METTL15: variants seen among roughly 807,000 people sequenced by gnomAD.
METTL15 encodes 12S rRNA N(4)-cytidine methyltransferase METTL15.
A neutral mutation model predicts 38.3 loss-of-function variants in METTL15; 34 were observed. The observed-to-expected ratio is 0.89, with a 90% confidence interval of 0.68 to 1.18. The LOEUF (loss-of-function observed/expected upper bound fraction) is 1.18. METTL15 is among the 50% of genes most tolerant of loss of function. The probability of loss-of-function intolerance (pLI) is 0.00; values close to 1 mark genes in which losing one functional copy is unlikely to be tolerated. For missense variants in METTL15, 438 were observed against 498.4 expected, an observed-to-expected ratio of 0.88 and a Z score of 1.15; for synonymous variants, 162 against 170.9, an observed-to-expected ratio of 0.95 and a Z score of 0.41.
intron 6 of METTL15, among the ~76,000 whole-genome samples, chr11:28,300,139 C>G (rs960091962): frequency 2.0e-5 from 3 of 152,034 alleles, no homozygotes; most frequent in Admixed American, 2.0e-4. Context: ...GTGGGGGACT[C>G]TATAAACCCA....
chr11:28,115,963 C>CAT (rs974425692), intron 3 of METTL15, among the ~76,000 whole-genome samples: 1 of 151,390 alleles, frequency 6.6e-6, no homozygotes, highest in Non-Finnish European at 1.5e-5. Context: ...CACACACACA[C>CAT]ACAACCCTAC....
At chr11:28,309,961 A>G (rs762790933) in intron 6 of METTL15, among the ~76,000 whole-genome samples, 4 of 152,146 alleles carry the variant, frequency 2.6e-5, no homozygotes, top group Non-Finnish European at 4.4e-5. Flanking sequence ...ACCCACGTCT[A>G]CTTTTTCCAC....
intron 3 of METTL15, among the ~76,000 whole-genome samples, chr11:28,346,583 T>G (rs1268167321): frequency 6.6e-6 from 1 of 152,216 alleles, no homozygotes; most frequent in Non-Finnish European, 1.5e-5. Context: ...CTTGAAATTT[T>G]GTTATGGATT....
chr11:28,384,234 A>G (rs1464258341), intron 5 of METTL15, among the ~76,000 whole-genome samples: 3 of 151,934 alleles, frequency 2.0e-5, no homozygotes, highest in Non-Finnish European at 2.9e-5. Context: ...GGTTGATTCA[A>G]TGTCTTTGCT....
chr11:28,219,260 A>T (rs1853067472), intron 4 of METTL15, among the ~76,000 whole-genome samples: 1 of 152,118 alleles, frequency 6.6e-6, no homozygotes, highest in African/African-American at 2.4e-5. Flanking sequence ...CTATTCAGAG[A>T]TTCAACTTCT....
intron 5 of METTL15, among the ~76,000 whole-genome samples, chr11:28,380,784 C>A (rs1163443103): frequency 6.6e-6 from 1 of 151,810 alleles, no homozygotes; most frequent in African/African-American, 2.4e-5. Flanking sequence ...GAAATGTTCT[C>A]TCTCCTTCAC....
At chr11:28,377,934 C>G (rs1266134776) in intron 5 of METTL15, among the ~76,000 whole-genome samples, 1 of 152,104 alleles carries the variant, frequency 6.6e-6, no homozygotes, top group Non-Finnish European at 1.5e-5. Context: ...GTCAGTGTGT[C>G]CCTGCTGGAG....
chr11:28,212,700 A>G (rs755354389), intron 4 of METTL15, among the ~76,000 whole-genome samples: 4 of 152,200 alleles, frequency 2.6e-5, no homozygotes, highest in Non-Finnish European at 5.9e-5. Flanking sequence ...GACAAGAAGA[A>G]AAAAGTTTTG....
At chr11:28,400,656 G>A (rs1850622355) in intron 5 of METTL15, among the ~76,000 whole-genome samples, 1 of 151,886 alleles carries the variant, frequency 6.6e-6, no homozygotes, top group South Asian at 2.1e-4. Context: ...TTGCTCAGTG[G>A]TCTATACAGA....
intron 6 of METTL15, among the ~76,000 whole-genome samples, chr11:28,478,299 C>T (rs1481429383): frequency 6.6e-6 from 1 of 151,998 alleles, no homozygotes; most frequent in Non-Finnish European, 1.5e-5. Context: ...CTGTTTATAT[C>T]CTAAAGCTAT....
At chr11:28,359,578 A>G (rs1357552178) in intron 4 of METTL15, among the ~76,000 whole-genome samples, 1 of 152,156 alleles carries the variant, frequency 6.6e-6, no homozygotes, top group Non-Finnish European at 1.5e-5. Context: ...CAGCCTTGCC[A>G]ACATCTGTTA....
At chr11:28,384,314 CTTTT>C (rs575254611) in intron 5 of METTL15, among the ~76,000 whole-genome samples, 1 of 144,350 alleles carries the variant, frequency 6.9e-6, no homozygotes, top group African/African-American at 2.5e-5. Flanking sequence ...TTCTTTCTTT[CTTTT>C]TTTTTTTTGA....
intron 6 of METTL15, among the ~76,000 whole-genome samples, chr11:28,433,118 G>A (rs1211699498): frequency 6.7e-6 from 1 of 148,682 alleles, no homozygotes; most frequent in East Asian, 2.0e-4. Context: ...AAAATCCAAA[G>A]TTTCCTTGCC....
At chr11:28,454,516 A>G (rs1374736053) in intron 6 of METTL15, among the ~76,000 whole-genome samples, 1 of 152,182 alleles carries the variant, frequency 6.6e-6, no homozygotes, top group Non-Finnish European at 1.5e-5. Context: ...TTCAGGCCCC[A>G]TGTCTTAGGA....
rs565871147 is a variant in METTL15 at position 28,504,438 on chromosome 11, C to T, written c.*425-22040C>T. ...CAATGGGCCCATTATTGTCAGGTCT[C>T]CAGAATTTTTAAAAAGCCATTAGAA... On this transcript the variant is annotated intron_variant and NMD_transcript_variant, in intron 6 of 7. Coordinates refer to the METTL15 transcript ENST00000532947. Among the ~76,000 whole-genome samples the T allele has an allele frequency of 4.6e-5, 7 of 152,156 alleles. No homozygotes were observed. The South Asian group carries it at 1.5e-3, about 32-fold the overall frequency.
At chr11:28,272,740 A>G (rs186389174) in intron 4 of METTL15, among the ~76,000 whole-genome samples, 68 of 152,256 alleles carry the variant, frequency 4.5e-4, no homozygotes, top group Non-Finnish European at 5.7e-4. Context: ...AAGAATTACT[A>G]TATCAAGCAG....
chr11:28,293,233 T>G lies in METTL15; in HGVS notation c.599+2836T>G, dbSNP rs1343193386. On this transcript the variant is annotated intron_variant, in intron 5 of 6. Coordinates refer to ENST00000407364, the MANE Select transcript of METTL15 (RefSeq NM_001113528.2). ...AATCCATCTTGAATTAATTTTTGTA[T>G]AAGATGTAAGGAAGGGATCCAGTTT... is the stretch of plus-strand genomic sequence containing the variant. Among the ~76,000 whole-genome samples, 4 of 152,196 alleles carry G rather than the reference T, an allele frequency of 2.6e-5. No individual in the cohort carries two copies. In the South Asian group the frequency reaches 6.2e-4, roughly 24 times the overall value.
At chr11:28,434,092 G>T (rs971170151) in intron 6 of METTL15, among the ~76,000 whole-genome samples, 2 of 152,084 alleles carry the variant, frequency 1.3e-5, no homozygotes, top group Non-Finnish European at 2.9e-5. Context: ...TCGTGGGGAG[G>T]AACTAGGTGG....
chr11:28,414,045 A>T (rs931197156), intron 5 of METTL15, among the ~76,000 whole-genome samples: 16 of 152,176 alleles, frequency 1.1e-4, no homozygotes, highest in Admixed American at 9.2e-4. Flanking sequence ...AGACTTTTCA[A>T]CACAGTGAAT....
Sources: gnomAD v4.1 joint callset for allele counts (sites outside exome capture counted in the v4.1 genomes callset) on GRCh38, gnomAD v4.1.1 for gene constraint, MANE v1.5 for transcripts, NCBI Gene and HGNC (gene_info 2026-07-23, HGNC 2026-07-21) for gene names.